The following ZC3H12B variants were observed in gnomAD, a reference collection of about 807,000 sequenced individuals.
ZC3H12B encodes the protein zinc finger CCCH-type containing 12B.
ZC3H12B carries 7 observed loss-of-function variants against 43.9 expected under a neutral mutation model. The observed-to-expected ratio is 0.16, with a 90% CI of 0.09 to 0.30. ZC3H12B has a LOEUF of 0.30. ZC3H12B is among the 10% of genes least tolerant of loss of function. The pLI, the probability that ZC3H12B is intolerant of heterozygous loss-of-function variation, is 1.00. For missense variants in ZC3H12B, 475 were observed against 670.2 expected (o/e 0.71, Z 3.22); for synonymous variants, 222 against 241.7 (o/e 0.92, Z 0.76).
At chrX:65,392,377 G>A (rs1029976930) in intron 2 of ZC3H12B, among the ~76,000 whole-genome samples, 12 of 108,022 alleles carry the variant, frequency 1.1e-4, no homozygotes, top group South Asian at 8.1e-4. Context: ...CTGCCCGGCC[G>A]CAACCCCATC....
At chrX:65,499,160 C>T (rs1350523612) in exon 3 of ZC3H12B, 3 of 1,211,250 alleles carry the variant, frequency 2.5e-6, no homozygotes, top group Non-Finnish European at 3.4e-6. Context: ...CTACCGAGAC[C>T]TTCAAGTTGA....
chrX:65,345,758 TA>T, the ZC3H12B span, among the ~76,000 whole-genome samples: 3 of 112,168 alleles, frequency 2.7e-5, no homozygotes, highest in Admixed American at 1.9e-4. Flanking sequence ...TTAGAACTGA[TA>T]AATGATTCCA....
At chrX:65,295,281 TTAAA>T in the ZC3H12B span, among the ~76,000 whole-genome samples, 3 of 111,513 alleles carry the variant, frequency 2.7e-5, no homozygotes, top group Non-Finnish European at 5.7e-5. Context: ...TACATGGAAA[TTAAA>T]TAACCTGCTC....
the ZC3H12B span, chrX:65,185,348 CAGAT>C: frequency 8.9e-6 from 1 of 112,098 alleles, no homozygotes; most frequent in Admixed American, 9.5e-5. Flanking sequence ...GTGGTCCTGA[CAGAT>C]AGCTGTGATT....
At chrX:65,247,103 C>T in the ZC3H12B span, among the ~76,000 whole-genome samples, 1 of 104,779 alleles carries the variant, frequency 9.5e-6, no homozygotes, top group African/African-American at 4.2e-5. Context: ...CCAACAGACA[C>T]TTCAATACAT....
At chrX:65,151,595 A>G in the ZC3H12B span, among the ~76,000 whole-genome samples, 2 of 112,046 alleles carry the variant, frequency 1.8e-5, no homozygotes, top group African/African-American at 6.5e-5. Context: ...GACTTCAGAT[A>G]TAAACTCCTA....
chrX:65,228,921 G>T, the ZC3H12B span, among the ~76,000 whole-genome samples: 1,143 of 111,958 alleles, frequency 0.01, 24 homozygotes, highest in African/African-American at 0.035. Flanking sequence ...ATGCTCATGG[G>T]TGGGAAGAAT....
At chrX:65,123,359 TTCA>T in the ZC3H12B span, among the ~76,000 whole-genome samples, 2 of 111,706 alleles carry the variant, frequency 1.8e-5, no homozygotes, top group Non-Finnish European at 3.8e-5. Flanking sequence ...TACATCAATG[TTCA>T]TCAAGGATAT....
the ZC3H12B span, among the ~76,000 whole-genome samples, chrX:65,153,420 G>T: frequency 1.8e-5 from 2 of 110,904 alleles, no homozygotes; most frequent in South Asian, 3.8e-4. Context: ...GTGGGCGAAA[G>T]ACATGAACAG....
the ZC3H12B span, among the ~76,000 whole-genome samples, chrX:65,055,387 T>C: frequency 6.0e-4 from 67 of 112,049 alleles, no homozygotes; most frequent in African/African-American, 2.1e-3. Flanking sequence ...CTGGATTACG[T>C]TTACTGATTT....
the ZC3H12B span, among the ~76,000 whole-genome samples, chrX:65,137,767 C>G: frequency 8.9e-6 from 1 of 112,541 alleles, no homozygotes; most frequent in Non-Finnish European, 1.9e-5. Flanking sequence ...TTTTAAGTAT[C>G]TGAAACTTCA....
the ZC3H12B span, among the ~76,000 whole-genome samples, chrX:65,065,667 T>C: frequency 9.0e-6 from 1 of 111,479 alleles, no homozygotes; most frequent in Admixed American, 9.5e-5. Flanking sequence ...TCTCTGTATT[T>C]CCTGAACTGA....
chrX:65,295,299 A>T, the ZC3H12B span, among the ~76,000 whole-genome samples: 1 of 111,941 alleles, frequency 8.9e-6, no homozygotes, highest in African/African-American at 3.2e-5. Context: ...CCTGCTCCTG[A>T]GTGATTATTG....
the ZC3H12B span, among the ~76,000 whole-genome samples, chrX:65,347,501 G>A: frequency 8.9e-6 from 1 of 112,076 alleles, no homozygotes. Flanking sequence ...ATCATCACTG[G>A]CCATCAGAGA....
At chrX:65,106,674 C>T in the ZC3H12B span, among the ~76,000 whole-genome samples, 1 of 110,887 alleles carries the variant, frequency 9.0e-6, no homozygotes, top group Non-Finnish European at 1.9e-5. Flanking sequence ...TTTTTGGTTG[C>T]AGAGCCTGGA....
chrX:65,323,023 T>C, the ZC3H12B span, among the ~76,000 whole-genome samples: 1 of 111,923 alleles, frequency 8.9e-6, no homozygotes, highest in Non-Finnish European at 1.9e-5. Context: ...ATAGAAACAC[T>C]ACTGATTTTT....
At chrX:65,111,536 TA>T in the ZC3H12B span, among the ~76,000 whole-genome samples, 1 of 96,847 alleles carries the variant, frequency 1.0e-5, no homozygotes, top group African/African-American at 5.6e-5. Flanking sequence ...TTGCAATTTT[TA>T]TTTTTTTATT....
At chrX:65,240,727 C>A in the ZC3H12B span, among the ~76,000 whole-genome samples, 1 of 112,326 alleles carries the variant, frequency 8.9e-6, no homozygotes, top group Admixed American at 9.4e-5. Flanking sequence ...GTTTTTGGTA[C>A]TGCTGACCTA....
chrX:65,304,087 T>C, the ZC3H12B span, among the ~76,000 whole-genome samples: 2 of 112,313 alleles, frequency 1.8e-5, no homozygotes, highest in Non-Finnish European at 3.8e-5. Context: ...CAAAACGTTA[T>C]GTGGAAAATA....
Sources: allele counts gnomAD v4.1 joint callset (sites outside exome capture counted in the v4.1 genomes callset), GRCh38; gene constraint gnomAD v4.1.1; transcripts MANE v1.5; gene names NCBI Gene and HGNC (gene_info 2026-07-23, HGNC 2026-07-21).